PRKACB: variants seen among roughly 807,000 people sequenced by gnomAD.
PRKACB encodes protein kinase cAMP-activated catalytic subunit beta.
PRKACB carries 16 observed loss-of-function variants against 51.4 expected under a neutral mutation model. That is an observed-to-expected ratio of 0.31 (90% confidence interval 0.21 to 0.47). The LOEUF (loss-of-function observed/expected upper bound fraction) is 0.47, where lower values mean the gene tolerates loss of function less well. Ranked by LOEUF, PRKACB falls within the 20% of genes least tolerant of loss-of-function variation. PRKACB has a pLI of 1.00. For synonymous variants in PRKACB, 147 were observed against 154.4 expected (o/e 0.95, Z 0.35); for missense variants, 309 against 464.5 (o/e 0.67, Z 3.08).
At chr1:84,106,265 A>G (rs2100826634) in intron 1 of PRKACB, among the ~76,000 whole-genome samples, 1 of 152,260 alleles carries the variant, frequency 6.6e-6, no homozygotes, top group East Asian at 1.9e-4. Context: ...GGCCAGAACA[A>G]TCAGGCAAGA....
chr1:84,208,140 G>A (rs1259480808), intron 8 of PRKACB, among the ~76,000 whole-genome samples: 1 of 152,134 alleles, frequency 6.6e-6, no homozygotes, highest in Non-Finnish European at 1.5e-5. Flanking sequence ...ATTACTGGGA[G>A]TAGTAATTTG....
At chr1:84,231,346 C>T (rs1325747547) in intron 9 of PRKACB, among the ~76,000 whole-genome samples, 2 of 152,170 alleles carry the variant, frequency 1.3e-5, no homozygotes, top group Admixed American at 1.3e-4. Context: ...AGGATTTTTG[C>T]ATCAATGTTC....
At chr1:84,111,268 A>G (rs1331000762) in intron 1 of PRKACB, among the ~76,000 whole-genome samples, 1 of 152,112 alleles carries the variant, frequency 6.6e-6, no homozygotes, top group Non-Finnish European at 1.5e-5. Context: ...TTGCACCAAC[A>G]TTGCTACTGA....
intron 1 of PRKACB, among the ~76,000 whole-genome samples, chr1:84,135,854 C>G (rs1652750353): frequency 6.6e-6 from 1 of 150,404 alleles, no homozygotes. Context: ...CCTTAGAAAA[C>G]TAGAGAAAGA....
At position 84,115,216 on chromosome 1, in the gene PRKACB, A is replaced by G. The variant is rs114379339; in HGVS notation, c.46+36845A>G. ...ATATCTGCTACTTTTTTTTTTTTTAATGATAGCCATTCTGACTGGAGTAAG... is the reference window on the plus strand; with the variant it reads ...ATATCTGCTACTTTTTTTTTTTTTAGTGATAGCCATTCTGACTGGAGTAAG... On this transcript the variant is annotated intron_variant, in intron 1 of 8. Transcript: ENST00000370688. Among the ~76,000 whole-genome samples the G allele has an allele frequency of 4.0e-5, 6 of 149,798 alleles. 1 individual carries two copies. The East Asian group carries it at 1.2e-3, about 29-fold the overall frequency.
At chr1:84,211,585 G>C (rs7532830) in intron 8 of PRKACB, among the ~76,000 whole-genome samples, 2,179 of 152,164 alleles carry the variant, frequency 0.014, 62 homozygotes, top group African/African-American at 0.05. Flanking sequence ...CTTTTAGAAG[G>C]TTCCTGATAA....
chr1:84,137,478 A>G (rs1178811040), intron 1 of PRKACB, among the ~76,000 whole-genome samples: 1 of 152,340 alleles, frequency 6.6e-6, no homozygotes, highest in East Asian at 1.9e-4. Context: ...CTTACAGCAC[A>G]AAGAACAAGT....
intron 3 of PRKACB, 65 bp from the exon 4 acceptor site, chr1:84,183,972 T>G (rs901464496): frequency 4.0e-5 from 56 of 1,414,796 alleles, no homozygotes; most frequent in Non-Finnish European, 4.5e-5. Flanking sequence ...GGAAAACATT[T>G]TTTTAAATGA....
chr1:84,218,572 T>C (rs986690855), intron 9 of PRKACB, among the ~76,000 whole-genome samples: 3 of 152,206 alleles, frequency 2.0e-5, no homozygotes, highest in African/African-American at 7.2e-5. Context: ...GACACTTAGG[T>C]TGATTCCATA....
chr1:84,224,426 G>A (rs542024379), intron 9 of PRKACB, among the ~76,000 whole-genome samples: 4 of 152,218 alleles, frequency 2.6e-5, no homozygotes, highest in Non-Finnish European at 2.9e-5. Flanking sequence ...CAGGCTCCCA[G>A]GCAGTACACA....
rs1177056152 is a variant in PRKACB at position 84,231,049 on chromosome 1, T to C, written c.1072-4131T>C. Among the ~76,000 whole-genome samples, 4 of 147,240 alleles carry C rather than the reference T, an allele frequency of 2.7e-5. No individual in the cohort carries two copies. The East Asian group carries it at 8.0e-4, about 29-fold the overall frequency. ...GCTTCCAGTTTTTGCCCATTCAGTATGATATTGGCTGTGGGTTTGTCATAG... is the reference window on the plus strand; with the variant it reads ...GCTTCCAGTTTTTGCCCATTCAGTACGATATTGGCTGTGGGTTTGTCATAG... On this transcript the variant is annotated intron_variant, in intron 9 of 9. Transcript: ENST00000370685.
chr1:84,209,926 T>A (rs888765625), intron 8 of PRKACB, among the ~76,000 whole-genome samples: 2 of 152,212 alleles, frequency 1.3e-5, no homozygotes, highest in Non-Finnish European at 2.9e-5. Flanking sequence ...TCATTAAATA[T>A]TTATGAAGCT....
At chr1:84,183,946 A>G in intron 3 of PRKACB, 91 bp from the exon 4 acceptor site, 2 of 1,305,764 alleles carry the variant, frequency 1.5e-6, no homozygotes, top group South Asian at 2.1e-5. Context: ...TTGCTTATCC[A>G]AGTTTATTAC....
chr1:84,197,881 G>T, intron 7 of PRKACB, 57 bp downstream of exon 7: 1 of 1,222,620 alleles, frequency 8.2e-7, no homozygotes, highest in South Asian at 1.4e-5. Context: ...CATCCCTATG[G>T]ACTTTTGTAA....
upstream of PRKACB, among the ~76,000 whole-genome samples, chr1:84,139,768 A>C (rs1430659742): frequency 2.0e-5 from 3 of 152,206 alleles, no homozygotes; most frequent in Non-Finnish European, 4.4e-5. Flanking sequence ...TTCGAAAAAA[A>C]GGAAAAAGGG....
chr1:84,098,494 T>C (rs1649095201), intron 1 of PRKACB, among the ~76,000 whole-genome samples: 1 of 151,984 alleles, frequency 6.6e-6, no homozygotes, highest in African/African-American at 2.4e-5. Context: ...CTCAGAGCAG[T>C]AGAAAGCAAT....
At chr1:84,224,602 C>T (rs137857088) in intron 9 of PRKACB, among the ~76,000 whole-genome samples, 2 of 152,144 alleles carry the variant, frequency 1.3e-5, no homozygotes, top group African/African-American at 2.4e-5. Flanking sequence ...AGATGGCATG[C>T]TTGAGCATTG....
rs200089197 is a variant in PRKACB, at chr1:84,236,122, A to G, written c.*817A>G. On this transcript the variant is annotated 3_prime_UTR_variant, in exon 10 of 10. Coordinates refer to ENST00000370685, the MANE Select transcript of PRKACB (RefSeq NM_182948.4). Reference sequence around the variant, plus strand: ...CTGTAGGTATTAGAGAAGAGTTCTAAGTTTTCTAAACCTTAACTGTTCCTT... The same window carrying G: ...CTGTAGGTATTAGAGAAGAGTTCTAGGTTTTCTAAACCTTAACTGTTCCTT... The G allele has an allele frequency of 6.6e-6, 1 of 152,664 alleles. No homozygotes were observed. The allele number at this position is 152,664 out of a possible 1,614,324, so 9.5% of individuals were successfully genotyped here.
At chr1:84,175,266 GA>G (rs1660846326) in intron 1 of PRKACB, among the ~76,000 whole-genome samples, 1 of 151,548 alleles carries the variant, frequency 6.6e-6, no homozygotes, top group South Asian at 2.1e-4. Context: ...TGGTATTTTA[GA>G]AAGAATAACT....
Sources: gnomAD v4.1 joint callset for allele counts (sites outside exome capture counted in the v4.1 genomes callset) on GRCh38, gnomAD v4.1.1 for gene constraint, MANE v1.5 for transcripts, NCBI Gene and HGNC (gene_info 2026-07-23, HGNC 2026-07-21) for gene names.